IGSF11: variants seen among roughly 807,000 people sequenced by gnomAD.
IGSF11 encodes CXADR like 1.
IGSF11 carries 22 observed loss-of-function variants against 41.0 expected under a neutral mutation model. That is an observed-to-expected ratio of 0.54 (90% CI 0.38 to 0.77). The LOEUF (loss-of-function observed/expected upper bound fraction) is 0.77, where lower values mean the gene tolerates loss of function less well. IGSF11 is among the 30% of genes least tolerant of loss of function. The pLI is 0.00. For synonymous variants in IGSF11, 219 were observed against 201.3 expected, an observed-to-expected ratio of 1.09 and a Z score of -0.74; for missense variants, 444 against 530.8, an observed-to-expected ratio of 0.84 and a Z score of 1.61.
At chr3:118,959,206 TATG>T (rs1945166684) in intron 1 of IGSF11, among the ~76,000 whole-genome samples, 1 of 152,202 alleles carries the variant, frequency 6.6e-6, no homozygotes, top group Admixed American at 6.5e-5. Flanking sequence ...GAGAGTCTAT[TATG>T]ATGCTCCCTG....
chr3:119,116,120 G>A (rs1489140426), intron 1 of IGSF11, among the ~76,000 whole-genome samples: 1 of 152,086 alleles, frequency 6.6e-6, no homozygotes. Context: ...TGTCTGGAAG[G>A]GTGTTTCTAG....
At chr3:119,052,940 C>T (rs1417459432) in intron 1 of IGSF11, among the ~76,000 whole-genome samples, 1 of 152,146 alleles carries the variant, frequency 6.6e-6, no homozygotes, top group Non-Finnish European at 1.5e-5. Context: ...TCACAAAATC[C>T]AGCATCCCTT....
At chr3:119,075,723 A>C (rs532016489) in intron 1 of IGSF11, among the ~76,000 whole-genome samples, 81 of 152,282 alleles carry the variant, frequency 5.3e-4, no homozygotes, top group African/African-American at 1.8e-3. Context: ...CTAAAAACAA[A>C]ACCCAAATGA....
chr3:118,976,210 T>C (rs1021530348), intron 1 of IGSF11, among the ~76,000 whole-genome samples: 6 of 152,150 alleles, frequency 3.9e-5, no homozygotes, highest in Admixed American at 2.0e-4. Flanking sequence ...AAAAAAAAGA[T>C]GGTGTGTCAA....
chr3:118,972,645 G>C (rs183597086), intron 1 of IGSF11, among the ~76,000 whole-genome samples: 1 of 152,314 alleles, frequency 6.6e-6, no homozygotes, highest in East Asian at 1.9e-4. Context: ...TGGACAGATA[G>C]ATCCTCGTTA....
intron 1 of IGSF11, among the ~76,000 whole-genome samples, chr3:119,061,221 C>T (rs897165994): frequency 1.4e-4 from 21 of 152,044 alleles, no homozygotes; most frequent in African/African-American, 4.3e-4. Context: ...GAAAGAGTGC[C>T]GCAGTATTAG....
chr3:119,140,908 G>T (rs939889973), intron 1 of IGSF11, among the ~76,000 whole-genome samples: 5 of 150,814 alleles, frequency 3.3e-5, no homozygotes, highest in Non-Finnish European at 7.4e-5. Context: ...GCCAGGCATG[G>T]TGGCACATGC....
At chr3:119,045,084 G>A (rs940499450) in intron 1 of IGSF11, among the ~76,000 whole-genome samples, 2 of 152,190 alleles carry the variant, frequency 1.3e-5, no homozygotes, top group African/African-American at 4.8e-5. Flanking sequence ...TGGCCTAAAT[G>A]CTCCACTTAA....
intron 1 of IGSF11, among the ~76,000 whole-genome samples, chr3:119,095,954 T>C (rs2076842514): frequency 6.6e-6 from 1 of 152,210 alleles, no homozygotes; most frequent in Non-Finnish European, 1.5e-5. Context: ...ATAAACTTCT[T>C]TATTTTTTAC....
intron 1 of IGSF11, among the ~76,000 whole-genome samples, chr3:119,014,004 A>G (rs1938412227): frequency 6.6e-6 from 1 of 152,232 alleles, no homozygotes; most frequent in Admixed American, 6.5e-5. Flanking sequence ...GCAACATAAA[A>G]CAAATCTAAA....
At chr3:118,949,620 T>C (rs948968058) in intron 1 of IGSF11, among the ~76,000 whole-genome samples, 2 of 152,240 alleles carry the variant, frequency 1.3e-5, no homozygotes, top group Non-Finnish European at 2.9e-5. Flanking sequence ...AGTTTCACTT[T>C]TGCATGTATT....
chr3:118,910,248 C>T (rs2107481564), intron 4 of IGSF11, among the ~76,000 whole-genome samples: 1 of 152,278 alleles, frequency 6.6e-6, no homozygotes, highest in South Asian at 2.1e-4. Context: ...ATATAGAGGT[C>T]CCAGGAGACC....
intron 1 of IGSF11, among the ~76,000 whole-genome samples, chr3:119,031,884 A>G (rs1301918585): frequency 6.6e-6 from 1 of 152,124 alleles, no homozygotes; most frequent in Non-Finnish European, 1.5e-5. Flanking sequence ...TTTTCATTGC[A>G]TTTTATGTGG....
At chr3:119,057,654 C>T (rs1031778920) in intron 1 of IGSF11, among the ~76,000 whole-genome samples, 8 of 152,162 alleles carry the variant, frequency 5.3e-5, no homozygotes, top group Non-Finnish European at 1.0e-4. Context: ...AAAAAGAACC[C>T]GCATTGACAA....
intron 1 of IGSF11, among the ~76,000 whole-genome samples, chr3:118,954,029 T>A (rs768768875): frequency 1.3e-5 from 2 of 152,310 alleles, no homozygotes; most frequent in African/African-American, 2.4e-5. Context: ...ATTTTTATGG[T>A]TTCAGGTCTT....
chr3:118,937,143 C>A (rs760762618), intron 1 of IGSF11, among the ~76,000 whole-genome samples: 1 of 152,196 alleles, frequency 6.6e-6, no homozygotes, highest in African/African-American at 2.4e-5. Context: ...CTTTATGGCA[C>A]TTTGGGAGGC....
At chr3:119,113,828 C>G (rs910248154) in intron 1 of IGSF11, among the ~76,000 whole-genome samples, 2 of 152,368 alleles carry the variant, frequency 1.3e-5, no homozygotes, top group Middle Eastern at 3.4e-3. Flanking sequence ...GCCCCTGCAG[C>G]AGACTTCTGT....
At chr3:118,960,041 T>C (rs1487553209) in intron 1 of IGSF11, among the ~76,000 whole-genome samples, 3 of 129,068 alleles carry the variant, frequency 2.3e-5, no homozygotes, top group Non-Finnish European at 5.0e-5. Flanking sequence ...CGAGACTCCG[T>C]CTCAAAAAAA....
upstream of IGSF11, among the ~76,000 whole-genome samples, chr3:119,037,619 C>T (rs531656486): frequency 1.3e-5 from 2 of 152,336 alleles, no homozygotes; most frequent in East Asian, 3.9e-4. Context: ...GCACCTTTGA[C>T]TCAAAAACAT....
Sources: gnomAD v4.1 joint callset for allele counts (sites outside exome capture counted in the v4.1 genomes callset) on GRCh38, gnomAD v4.1.1 for gene constraint, MANE v1.5 for transcripts, NCBI Gene and HGNC (gene_info 2026-07-23, HGNC 2026-07-21) for gene names.